The following MTR variants were observed in gnomAD, a reference collection of about 807,000 sequenced individuals.
MTR encodes the protein 5-methyltetrahydrofolate-homocysteine methyltransferase.
A neutral mutation model predicts 154.8 loss-of-function variants in MTR; 84 were observed. That is an observed-to-expected ratio of 0.54 (90% confidence interval 0.45 to 0.65). MTR has a LOEUF of 0.65. Ranked by LOEUF, MTR falls within the 30% of genes least tolerant of loss-of-function variation. The pLI is 0.00. For missense variants in MTR, 1,275 were observed against 1,570.2 expected, an observed-to-expected ratio of 0.81 and a Z score of 3.18; for synonymous variants, 554 against 553.9, an observed-to-expected ratio of 1.00 and a Z score of 0.00.
In MTR at chr1:236,839,871, G is replaced by T. The variant is rs570417817; in HGVS notation, c.1515+1272G>T. Reference sequence around the variant, plus strand: ...GTGCAGCAGTTAAAAAGAATCAGGAGATGGAACCATGTCTTCAGTATATTG... The same window carrying T: ...GTGCAGCAGTTAAAAAGAATCAGGATATGGAACCATGTCTTCAGTATATTG... On this transcript the variant is annotated intron_variant, in intron 15 of 32. Coordinates refer to ENST00000366577, the MANE Select transcript of MTR (RefSeq NM_000254.3). Among the ~76,000 whole-genome samples the T allele has an allele frequency of 7.2e-5, 11 of 152,292 alleles. 1 individual carries two copies. The South Asian group carries it at 2.3e-3, about 32-fold the overall frequency.
intron 13 of MTR, among the ~76,000 whole-genome samples, chr1:236,832,817 T>A (rs946403): frequency 6.6e-6 from 1 of 151,906 alleles, no homozygotes; most frequent in Non-Finnish European, 1.5e-5. Context: ...GACCATTTAT[T>A]CCCCTTCATG....
chr1:236,835,733 T>G, intron 14 of MTR, 46 bp downstream of exon 14: 1 of 1,611,088 alleles, frequency 6.2e-7, no homozygotes. Context: ...TTGTCTCACT[T>G]TGACACTCAT....
At chr1:236,819,627 A>C in intron 8 of MTR, 1 of 497,790 alleles carries the variant, frequency 2.0e-6, no homozygotes, top group Non-Finnish European at 3.8e-6. Flanking sequence ...TTAAAGGGAA[A>C]CTTTCACAAT....
At chr1:236,881,620 C>T (rs762028398) in intron 25 of MTR, among the ~76,000 whole-genome samples, 17 of 152,056 alleles carry the variant, frequency 1.1e-4, no homozygotes, top group Non-Finnish European at 1.6e-4. Context: ...ATTGTGCAGG[C>T]GAGGAAGGTT....
chr1:236,850,463 T>G lies in MTR; in HGVS notation c.1635T>G (p.Thr545=). The change falls in exon 16 of 33, where the codon ACT becomes ACG. Residue 545 remains threonine (T), a synonymous_variant. Transcript: ENST00000366577. The part of the protein sequence containing the change: ...IFDPNILTIG[T]GMEEHNLYAI... ...ACCCTAATATCCTAACCATTGGGAC[T>G]GGAATGGAGGAACACAACTTGTATG... is the stretch of plus-strand genomic sequence containing the variant. The G allele has an allele frequency of 6.2e-7, 1 of 1,613,812 alleles. No individual in the cohort carries two copies. The highest frequency in any genetic ancestry group is 8.5e-7 in the Non-Finnish European group (1 of 1,179,904).
At chr1:236,832,168 T>C in intron 13 of MTR, 90 bp downstream of exon 13, 1 of 1,032,130 alleles carries the variant, frequency 9.7e-7, no homozygotes, top group Non-Finnish European at 1.5e-6. Context: ...TTTGATAGTG[T>C]TATTAGCAGA....
chr1:236,797,684 C>T (rs950636530), intron 1 of MTR, among the ~76,000 whole-genome samples: 8 of 152,048 alleles, frequency 5.3e-5, no homozygotes, highest in Non-Finnish European at 7.4e-5. Flanking sequence ...AGAAGCTGGG[C>T]GCGGTGGCTC....
chr1:236,817,871 A>G (rs1021393162), intron 8 of MTR, among the ~76,000 whole-genome samples: 6 of 152,172 alleles, frequency 3.9e-5, no homozygotes, highest in Admixed American at 1.3e-4. Flanking sequence ...CTGGGTTGTG[A>G]TGACCTCCTT....
chr1:236,815,779 C>T lies in MTR; in HGVS notation c.669+116C>T. 4.1e-6 allele frequency: 4 copies of T among 979,840 alleles called. No individual in the cohort carries two copies. The African/African-American group carries it at 4.9e-5, about 12-fold the overall frequency. The allele number at this position is 979,840 out of a possible 1,614,324, so 60.7% of individuals were successfully genotyped here. On this transcript the variant is annotated intron_variant, in intron 7 of 32. Coordinates refer to ENST00000366577, the MANE Select transcript of MTR (RefSeq NM_000254.3). ...TAATGGTATCTTTAGAACTCATCTACTTTAACTTCCATTGTTCACTTCCCT... is the reference window on the plus strand; with the variant it reads ...TAATGGTATCTTTAGAACTCATCTATTTTAACTTCCATTGTTCACTTCCCT...
intron 7 of MTR, 37 bp downstream of exon 7, chr1:236,815,700 T>G (rs1661553581): frequency 6.3e-7 from 1 of 1,593,716 alleles, no homozygotes; most frequent in Non-Finnish European, 8.6e-7. Flanking sequence ...CATTCTTTTA[T>G]TAATAATTGT....
intron 11 of MTR, among the ~76,000 whole-genome samples, chr1:236,827,201 C>G (rs944741262): frequency 1.1e-4 from 16 of 152,192 alleles, no homozygotes; most frequent in Non-Finnish European, 1.9e-4. Flanking sequence ...TAGCTATCTA[C>G]AAGACATGAA....
chr1:236,874,159 C>T (rs551069793), intron 23 of MTR, among the ~76,000 whole-genome samples: 34 of 152,258 alleles, frequency 2.2e-4, no homozygotes, highest in Non-Finnish European at 3.8e-4. Flanking sequence ...CTAAATATAC[C>T]TTTATTGCAT....
At chr1:236,871,741 G>A (rs1220474121) in intron 22 of MTR, among the ~76,000 whole-genome samples, 2 of 152,138 alleles carry the variant, frequency 1.3e-5, no homozygotes, top group Admixed American at 6.5e-5. Context: ...CCTCCAGCGT[G>A]CATTTGCTAC....
In MTR at chr1:236,795,488, A is replaced by G; in HGVS notation, c.-216A>G. On this transcript the variant is annotated 5_prime_UTR_variant, in exon 1 of 33. Coordinates refer to ENST00000366577, the MANE Select transcript of MTR (RefSeq NM_000254.3). ...CCGGGAAGAAAGCACGTGCTCCAGC[A>G]GTTGCCGCGCCCAGCCCCGAGAGAG... 1 of 1,517,336 alleles carries G rather than the reference A, an allele frequency of 6.6e-7. No individual in the cohort carries two copies. Among genetic ancestry groups the G allele is most frequent in the South Asian group, 1.2e-5 (1 of 83,078 alleles). 94.0% of individuals were successfully genotyped at this position (1,517,336 alleles called of 1,614,324 possible).
At chr1:236,879,695 T>C (rs927774049) in intron 24 of MTR, among the ~76,000 whole-genome samples, 2 of 152,214 alleles carry the variant, frequency 1.3e-5, no homozygotes, top group African/African-American at 4.8e-5. Context: ...AAATAGCAGA[T>C]TTGTAGCCTA....
rs1470008184 is a variant in MTR, at chr1:236,880,761, C to T, written c.2601C>T (p.His867=). 7 of 1,613,964 alleles carry T rather than the reference C, an allele frequency of 4.3e-6. No homozygotes were observed. Among genetic ancestry groups the T allele is most frequent in the Admixed American group, 3.3e-5 (2 of 60,006 alleles). Residue 867 remains histidine (H), a synonymous_variant, in exon 25 of 33, where the codon CAC becomes CAT. Coordinates refer to ENST00000366577, the MANE Select transcript of MTR (RefSeq NM_000254.3). Reference sequence around the variant, plus strand: ...TTCTGACCCTTCTTTTTAGAACCCACACAGCAGTTAAAATAGCTCCGAGAT... The same window carrying T: ...TTCTGACCCTTCTTTTTAGAACCCATACAGCAGTTAAAATAGCTCCGAGAT... ...LIGGATTSKT[H]TAVKIAPRYS... is the part of the protein sequence containing the mutation.
At position 236,901,577 on chromosome 1, in the gene MTR, T is replaced by G. The variant is rs1411234327; in HGVS notation, c.*3933T>G. 1 of 152,164 alleles carries G rather than the reference T, an allele frequency of 6.6e-6. No individual in the cohort carries two copies. The highest frequency in any genetic ancestry group is 1.5e-5 in the Non-Finnish European group (1 of 68,038). The allele number at this position is 152,164 out of a possible 1,614,324, so 9.4% of individuals were successfully genotyped here. ...CTGTAACAAAATACCACAAACTGGT[T>G]AGCTTATAGAGAACAGATGTTTATT... On this transcript the variant is annotated 3_prime_UTR_variant, in exon 33 of 33. Transcript: ENST00000366577.
chr1:236,795,965 G>A (rs560247763), intron 1 of MTR, among the ~76,000 whole-genome samples: 41 of 152,134 alleles, frequency 2.7e-4, no homozygotes, highest in African/African-American at 9.9e-4. Context: ...ATCAAAACCT[G>A]CAAAAAGCGT....
intron 11 of MTR, among the ~76,000 whole-genome samples, chr1:236,828,167 C>T (rs569790266): frequency 3.9e-5 from 6 of 152,132 alleles, no homozygotes; most frequent in African/African-American, 7.2e-5. Flanking sequence ...TTAGTAGAGA[C>T]GGGGTTTCAC....
Sources: allele counts gnomAD v4.1 joint callset (sites outside exome capture counted in the v4.1 genomes callset), GRCh38; gene constraint gnomAD v4.1.1; transcripts MANE v1.5; gene names NCBI Gene and HGNC (gene_info 2026-07-23, HGNC 2026-07-21).